The following ARID5B variants were observed in gnomAD, a reference collection of about 807,000 sequenced individuals.
The protein encoded by ARID5B is AT-rich interaction domain 5B.
Under a neutral mutation model 97.2 loss-of-function variants are expected in ARID5B, and 13 were observed. The observed-to-expected ratio is 0.13, with a 90% CI of 0.09 to 0.21. ARID5B has a LOEUF of 0.21. Among genes scored for constraint, ARID5B ranks in the 10% least tolerant of loss-of-function variants. The probability of loss-of-function intolerance (pLI) is 1.00; values close to 1 mark genes in which losing one functional copy is unlikely to be tolerated. For missense variants in ARID5B, 1,210 were observed against 1,465.3 expected (o/e 0.83, Z 2.84); for synonymous variants, 556 against 570.3 (o/e 0.97, Z 0.36).
At chr10:62,059,552 G>A (rs750247982) in intron 7 of ARID5B, among the ~76,000 whole-genome samples, 10 of 152,250 alleles carry the variant, frequency 6.6e-5, no homozygotes, top group Non-Finnish European at 1.2e-4. Flanking sequence ...AGTTGGGTCT[G>A]TAATTTTTTC....
chr10:62,093,276 C>A lies in ARID5B; in HGVS notation c.*246C>A. 2.2e-6 allele frequency: 1 copy of A among 457,998 alleles called. No homozygotes were observed. Among genetic ancestry groups the A allele is most frequent in the South Asian group, 4.8e-5 (1 of 20,882 alleles). The allele number at this position is 457,998 out of a possible 1,614,324, so 28.4% of individuals were successfully genotyped here. On this transcript the variant is annotated 3_prime_UTR_variant, in exon 10 of 10. Transcript: ENST00000279873. ...CACAGATGCCCAGGCACCTCCAGAT[C>A]ATTCACTTCGCACGTGGGCCTTGTG... is the stretch of plus-strand genomic sequence containing the variant.
Position 62,022,374 on chromosome 10 carries a change from A to C in ARID5B, c.733+22053A>C, listed in dbSNP as rs1243971452. Among the ~76,000 whole-genome samples, 3 of 152,342 alleles carry C rather than the reference A, an allele frequency of 2.0e-5. No individual in the cohort carries two copies. In the East Asian group the frequency reaches 5.8e-4, roughly 29 times the overall value. On this transcript the variant is annotated intron_variant, in intron 4 of 9. Coordinates refer to ENST00000279873, the MANE Select transcript of ARID5B (RefSeq NM_032199.3). Reference sequence around the variant, plus strand: ...AGAAGCAGGAGGAAGATAAGGGGGAAGGTCCCTGGAGAATCTCCCACTGAC... The same window carrying C: ...AGAAGCAGGAGGAAGATAAGGGGGACGGTCCCTGGAGAATCTCCCACTGAC...
At chr10:61,912,168 A>G (rs952653607) in intron 2 of ARID5B, among the ~76,000 whole-genome samples, 1 of 152,256 alleles carries the variant, frequency 6.6e-6, no homozygotes, top group South Asian at 2.1e-4. Flanking sequence ...AAAGGATCGC[A>G]GTATAACTGG....
chr10:61,963,552 G>A (rs1397089630), intron 3 of ARID5B, among the ~76,000 whole-genome samples: 2 of 151,960 alleles, frequency 1.3e-5, no homozygotes, highest in African/African-American at 4.8e-5. Flanking sequence ...GATCCAGATG[G>A]ACAGCTGACC....
chr10:62,039,020 G>C (rs1424572151), intron 4 of ARID5B, among the ~76,000 whole-genome samples: 1 of 152,224 alleles, frequency 6.6e-6, no homozygotes, highest in African/African-American at 2.4e-5. Context: ...AATATAGACA[G>C]ACTGGTGCAG....
chr10:62,067,337 C>G (rs1840007338), intron 7 of ARID5B, among the ~76,000 whole-genome samples: 1 of 152,220 alleles, frequency 6.6e-6, no homozygotes, highest in Non-Finnish European at 1.5e-5. Flanking sequence ...CCCGCCTCGG[C>G]CTCCCAAAGT....
rs141910818 is a variant in ARID5B at position 62,071,080 on chromosome 10, G to A, written c.1199+1283G>A. ...GAGACGGAGTCTTCCTCTGTCACCA[G>A]GCTACAGTGCAGTGGCATGATCTCG... On this transcript the variant is annotated intron_variant, in intron 8 of 9. Coordinates refer to ENST00000279873, the MANE Select transcript of ARID5B (RefSeq NM_032199.3). 3.2e-3 allele frequency among the ~76,000 whole-genome samples: 467 copies of A among 144,216 alleles called. 3 individuals carry two copies. The highest frequency in any genetic ancestry group is 0.011 in the African/African-American group (436 of 38,602). The allele number at this position is 144,216 out of a possible 152,430, so 94.6% of individuals were successfully genotyped here.
intron 3 of ARID5B, among the ~76,000 whole-genome samples, chr10:61,976,101 T>C (rs1237492361): frequency 2.0e-5 from 3 of 152,214 alleles, no homozygotes; most frequent in African/African-American, 7.2e-5. Flanking sequence ...TGTCCATGCC[T>C]TCAGGCATAC....
intron 3 of ARID5B, among the ~76,000 whole-genome samples, chr10:61,968,566 C>G (rs1838580291): frequency 6.6e-6 from 1 of 152,152 alleles, no homozygotes; most frequent in Non-Finnish European, 1.5e-5. Flanking sequence ...TTCTAAGGCA[C>G]CATTACTGGT....
rs367626764 is a variant in ARID5B at position 62,092,270 on chromosome 10, G to C, written c.2807G>C (p.Gly936Ala). Residue 936 changes from glycine (G) to alanine (A), a missense_variant, in exon 10 of 10, where the codon GGC becomes GCC. By Grantham distance (60) the Gly-to-Ala change is moderately conservative. This residue lies in a region of ARID5B where 800 missense variants were observed against 839.1 expected (regional missense o/e 0.95). Transcript: ENST00000279873. ...ACCACAGGGCCCCAGGAGAGCAAAG[G>C]CATCTCCCAGTTCCAGGTCTTAGGC... ...HSTTGPQESKGISQFQVLGSQ... is the reference protein window; with the variant it reads ...HSTTGPQESKAISQFQVLGSQ... 9.3e-6 allele frequency: 15 copies of C among 1,606,500 alleles called. No individual in the cohort carries two copies. Among genetic ancestry groups the C allele is most frequent in the Admixed American group, 3.4e-5 (2 of 58,830 alleles).
At chr10:62,015,841 C>G (rs1308282144) in intron 4 of ARID5B, among the ~76,000 whole-genome samples, 1 of 152,162 alleles carries the variant, frequency 6.6e-6, no homozygotes, top group Non-Finnish European at 1.5e-5. Context: ...CCAGGCTGGT[C>G]TTGAACTCCG....
At chr10:62,083,563 C>T (rs996512658) in intron 8 of ARID5B, among the ~76,000 whole-genome samples, 16 of 152,042 alleles carry the variant, frequency 1.1e-4, no homozygotes, top group Non-Finnish European at 1.6e-4. Flanking sequence ...GAGGGTCCCT[C>T]GTGGTGTCAC....
rs550901394 is a variant in ARID5B, at chr10:62,061,366, G to A, written c.1101+2071G>A. 2.6e-5 allele frequency among the ~76,000 whole-genome samples: 4 copies of A among 152,270 alleles called. No homozygotes were observed. In the East Asian group the frequency reaches 7.7e-4, roughly 29 times the overall value. On this transcript the variant is annotated intron_variant, in intron 7 of 9. Transcript: ENST00000279873. The stretch of plus-strand genomic sequence containing the variant: ...AGAAAGAGAGAATGAATCAAATAAG[G>A]GAAAATATATGGAGGTAGAATAAGG...
chr10:61,997,165 G>A (rs1270724762), intron 3 of ARID5B, among the ~76,000 whole-genome samples: 1 of 152,020 alleles, frequency 6.6e-6, no homozygotes. Flanking sequence ...GGAGTTGAGA[G>A]TAGGGGGAAC....
Position 62,000,174 on chromosome 10 carries a change from G to C in ARID5B, c.586G>C (p.Asp196His). Residue 196 changes from aspartate to histidine, a missense_variant, in exon 4 of 10, where the codon GAT becomes CAT. By Grantham distance (81) the Asp-to-His change is moderately conservative. Coordinates refer to ENST00000279873, the MANE Select transcript of ARID5B (RefSeq NM_032199.3). The surrounding 1 kb of genome is among the most constrained non-coding windows in gnomAD (Gnocchi z 4.4). ...CCGCTCGATGCTGAAACGCATCCAG[G>C]ATAAGCCATCTTCCATTCTAACGGA... ...RYRSMLKRIQ[D>H]KPSSILTDQF... The C allele has an allele frequency of 6.2e-7, 1 of 1,614,016 alleles. No homozygotes were observed. Among genetic ancestry groups the C allele is most frequent in the Non-Finnish European group, 8.5e-7 (1 of 1,179,930 alleles).
At chr10:62,029,610 G>T (rs1441916602) in intron 4 of ARID5B, among the ~76,000 whole-genome samples, 1 of 152,186 alleles carries the variant, frequency 6.6e-6, no homozygotes, top group Non-Finnish European at 1.5e-5. Flanking sequence ...TGAGGAAACT[G>T]GTTGTCTGTA....
At chr10:61,947,053 T>C (rs1027070532) in intron 3 of ARID5B, among the ~76,000 whole-genome samples, 1 of 152,210 alleles carries the variant, frequency 6.6e-6, no homozygotes, top group African/African-American at 2.4e-5. Flanking sequence ...ATTGTTGTGT[T>C]AACCATGCAT....
chr10:61,982,889 G>A (rs1041850588), intron 3 of ARID5B, among the ~76,000 whole-genome samples: 1 of 152,200 alleles, frequency 6.6e-6, no homozygotes, highest in East Asian at 1.9e-4. Context: ...CCGCCAAGGT[G>A]ATGAATTATG....
In ARID5B at chr10:61,916,786, C is replaced by T. The variant is rs977111099; in HGVS notation, c.276+14373C>T. 6.6e-5 allele frequency among the ~76,000 whole-genome samples: 10 copies of T among 152,120 alleles called. No homozygotes were observed. The East Asian group carries it at 1.2e-3, about 18-fold the overall frequency. ...GGTTTTACTCTGTGAAATAAAACTG[C>T]GCAACAGCTGTATCCGTCTTTCAAG... is the stretch of plus-strand genomic sequence containing the variant. On this transcript the variant is annotated intron_variant, in intron 2 of 9. Coordinates refer to ENST00000279873, the MANE Select transcript of ARID5B (RefSeq NM_032199.3).
Sources: gnomAD v4.1 joint callset for allele counts (sites outside exome capture counted in the v4.1 genomes callset) on GRCh38, gnomAD v4.1.1 for gene constraint, gnomAD v4.1.1 regional missense constraint, Gnocchi (gnomAD v3.1) non-coding constraint, MANE v1.5 for transcripts, NCBI Gene and HGNC (gene_info 2026-07-23, HGNC 2026-07-21) for gene names.